URI1: variants seen among roughly 807,000 people sequenced by gnomAD.
URI1 encodes the protein URI1 prefoldin like chaperone.
A neutral mutation model predicts 60.2 loss-of-function variants in URI1; 39 were observed. The observed-to-expected ratio is 0.65, with a 90% CI of 0.50 to 0.85. The LOEUF is 0.85. Ranked by LOEUF, URI1 falls within the 40% of genes least tolerant of loss-of-function variation. URI1 has a pLI of 0.00. For synonymous variants in URI1, 251 were observed against 236.8 expected (o/e 1.06, Z -0.55); for missense variants, 691 against 665.9 (o/e 1.04, Z -0.42).
At chr19:29,990,478 G>A (rs1374458476) in intron 4 of URI1, among the ~76,000 whole-genome samples, 2 of 152,178 alleles carry the variant, frequency 1.3e-5, no homozygotes, top group African/African-American at 2.4e-5. Context: ...TATAGTAGCC[G>A]AAACATGGAA....
chr19:29,954,413 T>G (rs1293294597), intron 1 of URI1, among the ~76,000 whole-genome samples: 2 of 152,206 alleles, frequency 1.3e-5, no homozygotes, highest in African/African-American at 4.8e-5. Flanking sequence ...CATGAAAACA[T>G]TTGCATGGTT....
chr19:29,926,128 T>C (rs2054863618), intron 1 of URI1, among the ~76,000 whole-genome samples: 1 of 152,002 alleles, frequency 6.6e-6, no homozygotes, highest in South Asian at 2.1e-4. Context: ...AATAGGTTTT[T>C]AAGGAACAGG....
chr19:29,978,240 T>C (rs1474881540), intron 2 of URI1, among the ~76,000 whole-genome samples: 2 of 152,136 alleles, frequency 1.3e-5, no homozygotes, highest in East Asian at 1.9e-4. Flanking sequence ...AGAGTTTTTT[T>C]CCCCTGAAGA....
chr19:29,996,692 G>A (rs144142613), intron 4 of URI1, among the ~76,000 whole-genome samples: 10 of 152,162 alleles, frequency 6.6e-5, no homozygotes, highest in African/African-American at 2.4e-4. Context: ...CAATCTTAGG[G>A]GAGAGACTCG....
In URI1 at chr19:30,005,672, A is replaced by G. The variant is rs781696245; in HGVS notation, c.481A>G (p.Ile161Val). Residue 161 changes from isoleucine to valine, a missense_variant, in exon 6 of 11, where the codon ATA becomes GTA. Coordinates refer to ENST00000392271, the MANE Select transcript of URI1 (RefSeq NM_003796.3). ...MSDAAGDIVDIREEIKCDFEF... is the reference protein window; with the variant it reads ...MSDAAGDIVDVREEIKCDFEF... Reference sequence around the variant, plus strand: ...CCAGGCTGCAGGTGATATTGTTGACATACGAGAAGAAATTAAATGTGACTT... The same window carrying G: ...CCAGGCTGCAGGTGATATTGTTGACGTACGAGAAGAAATTAAATGTGACTT... 1.9e-6 allele frequency: 3 copies of G among 1,612,230 alleles called. No homozygotes were observed. The highest frequency in any genetic ancestry group is 1.7e-6 in the Non-Finnish European group (2 of 1,179,158).
intron 1 of URI1, 199 bp from the exon 2 acceptor site, chr19:29,970,994 C>T (rs1407251159): frequency 1.8e-6 from 1 of 561,822 alleles, no homozygotes; most frequent in East Asian, 2.8e-5. Flanking sequence ...CTGCAGTTAT[C>T]AGCCTGCATT....
intron 1 of URI1, among the ~76,000 whole-genome samples, chr19:29,934,354 G>A (rs1253769098): frequency 1.3e-5 from 2 of 152,106 alleles, no homozygotes; most frequent in Admixed American, 6.5e-5. Context: ...ACTTTATCAC[G>A]AAGTGAGTAG....
intron 1 of URI1, among the ~76,000 whole-genome samples, chr19:29,951,971 G>T (rs1455848233): frequency 1.3e-5 from 2 of 152,148 alleles, no homozygotes; most frequent in African/African-American, 2.4e-5. Flanking sequence ...TATAAAATAA[G>T]AAATGCTTAG....
chr19:30,014,405 A>T (rs984077325), intron 10 of URI1, among the ~76,000 whole-genome samples: 1 of 152,224 alleles, frequency 6.6e-6, no homozygotes, highest in Non-Finnish European at 1.5e-5. Context: ...CATAAACACC[A>T]CCAAAGAGAT....
upstream of URI1, among the ~76,000 whole-genome samples, chr19:29,942,000 T>C (rs184603380): frequency 1.3e-5 from 2 of 149,850 alleles, no homozygotes; most frequent in Admixed American, 1.3e-4. Flanking sequence ...TTTTTTAAGG[T>C]TCCAAAGCCT....
intron 2 of URI1, among the ~76,000 whole-genome samples, chr19:29,977,437 A>G (rs566716942): frequency 1.2e-4 from 19 of 152,044 alleles, no homozygotes; most frequent in African/African-American, 4.1e-4. Context: ...ACTTTTTTCT[A>G]CAGTGTTAGG....
rs2055310811 is a variant in URI1 at position 29,960,630 on chromosome 19, C to CT, written c.118-10561dup. Reference sequence around the variant, plus strand: ...TGTTTTGTCTATCTTTAAAAAAAATCTTCTTAACTTCAGTCTTTTGGGTTC... The same window carrying CT: ...TGTTTTGTCTATCTTTAAAAAAAATCTTTCTTAACTTCAGTCTTTTGGGTTC... On this transcript the variant is annotated intron_variant, in intron 1 of 10. Coordinates refer to ENST00000392271, the MANE Select transcript of URI1 (RefSeq NM_003796.3). Among the ~76,000 whole-genome samples the CT allele has an allele frequency of 3.9e-5, 6 of 152,104 alleles. No homozygotes were observed. The South Asian group carries it at 1.2e-3, about 32-fold the overall frequency.
At chr19:29,990,730 G>A (rs749987541) in intron 4 of URI1, among the ~76,000 whole-genome samples, 3 of 152,182 alleles carry the variant, frequency 2.0e-5, no homozygotes, top group Non-Finnish European at 4.4e-5. Context: ...AGAGAATGGA[G>A]AGTGACTGCT....
chr19:29,957,000 A>G, intron 1 of URI1: 1 of 737,160 alleles, frequency 1.4e-6, no homozygotes, highest in African/African-American at 1.8e-5. Flanking sequence ...CTCACAGTAA[A>G]CGCAGCAAAA....
intron 1 of URI1, among the ~76,000 whole-genome samples, chr19:29,948,591 T>TG (rs1216406794): frequency 3.3e-5 from 5 of 152,150 alleles, no homozygotes; most frequent in African/African-American, 1.2e-4. Flanking sequence ...AAGCACATCT[T>TG]GCACCACCCT....
chr19:30,008,169 T>C (rs1284351129), intron 7 of URI1, among the ~76,000 whole-genome samples: 1 of 152,174 alleles, frequency 6.6e-6, no homozygotes, highest in African/African-American at 2.4e-5. Flanking sequence ...ACGAAATTGC[T>C]GTTTGAAATA....
At chr19:29,985,149 A>ATCGTT in intron 2 of URI1, 74 bp from the exon 3 acceptor site, 4 of 193,588 alleles carry the variant, frequency 2.1e-5, no homozygotes, top group East Asian at 8.6e-5. Flanking sequence ...AAAAAAAAAA[A>ATCGTT]AAAAAAAAAA....
At chr19:29,973,138 G>A (rs1343740382) in intron 2 of URI1, among the ~76,000 whole-genome samples, 4 of 152,112 alleles carry the variant, frequency 2.6e-5, no homozygotes, top group Non-Finnish European at 5.9e-5. Flanking sequence ...GTTTGGGAGA[G>A]TCGTGGAATT....
chr19:29,976,904 AT>A (rs750928625), intron 2 of URI1, among the ~76,000 whole-genome samples: 6 of 152,194 alleles, frequency 3.9e-5, no homozygotes, highest in Non-Finnish European at 8.8e-5. Flanking sequence ...AATACTTTAA[AT>A]TTAGACATAA....
Sources: gnomAD v4.1 joint callset for allele counts (sites outside exome capture counted in the v4.1 genomes callset) on GRCh38, gnomAD v4.1.1 for gene constraint, MANE v1.5 for transcripts, NCBI Gene and HGNC (gene_info 2026-07-23, HGNC 2026-07-21) for gene names.